ITFG1: variants seen among roughly 807,000 people sequenced by gnomAD.
ITFG1 encodes T-cell immunomodulatory protein.
In ITFG1, 34 loss-of-function variants were observed where a neutral mutation model predicts 81.8. That is an observed-to-expected ratio of 0.42 (90% CI 0.32 to 0.55). The LOEUF is 0.55. Ranked by LOEUF, ITFG1 falls within the 20% of genes least tolerant of loss-of-function variation. The pLI, the probability that ITFG1 is intolerant of heterozygous loss-of-function variation, is 0.17. For synonymous variants in ITFG1, 285 were observed against 270.6 expected, an observed-to-expected ratio of 1.05 and a Z score of -0.52; for missense variants, 672 against 755.4, an observed-to-expected ratio of 0.89 and a Z score of 1.29.
chr16:47,264,480 G>C (rs1394161927), intron 10 of ITFG1, among the ~76,000 whole-genome samples: 1 of 149,468 alleles, frequency 6.7e-6, no homozygotes, highest in Non-Finnish European at 1.5e-5. Context: ...CCATTATATG[G>C]CCAAGCCATC....
chr16:47,286,412 G>C (rs1019165544), intron 10 of ITFG1, among the ~76,000 whole-genome samples: 3 of 152,152 alleles, frequency 2.0e-5, no homozygotes, highest in African/African-American at 7.2e-5. Flanking sequence ...GGCCGAGGTG[G>C]GTGGATCACC....
chr16:47,170,839 G>T (rs1472436963), intron 14 of ITFG1, among the ~76,000 whole-genome samples: 2 of 140,328 alleles, frequency 1.4e-5, no homozygotes, highest in African/African-American at 5.4e-5. Flanking sequence ...GGGTTCAAGT[G>T]GTTCTCCTCC....
chr16:47,420,165 T>C (rs1245573769), intron 6 of ITFG1, among the ~76,000 whole-genome samples: 3 of 152,188 alleles, frequency 2.0e-5, no homozygotes, highest in Non-Finnish European at 4.4e-5. Flanking sequence ...CCTCTTGTCA[T>C]TGATTTCTAG....
At chr16:47,457,076 G>A (rs1041256127) in intron 2 of ITFG1, among the ~76,000 whole-genome samples, 5 of 152,068 alleles carry the variant, frequency 3.3e-5, no homozygotes, top group Non-Finnish European at 5.9e-5. Context: ...TTGGGAGGCC[G>A]AGGCAGGTGG....
At chr16:47,444,571 T>C (rs561599210) in intron 5 of ITFG1, among the ~76,000 whole-genome samples, 1 of 152,250 alleles carries the variant, frequency 6.6e-6, no homozygotes, top group African/African-American at 2.4e-5. Flanking sequence ...GTGATAGTAT[T>C]ATTACATTAA....
intron 6 of ITFG1, among the ~76,000 whole-genome samples, chr16:47,388,710 T>C (rs1214301878): frequency 6.6e-6 from 1 of 152,180 alleles, no homozygotes; most frequent in Admixed American, 6.5e-5. Context: ...ATTAATGAAA[T>C]CAACTATAAC....
chr16:47,280,813 G>A (rs541628996), intron 10 of ITFG1, among the ~76,000 whole-genome samples: 18 of 152,012 alleles, frequency 1.2e-4, no homozygotes, highest in Non-Finnish European at 2.2e-4. Flanking sequence ...GCCAATGACT[G>A]AATCAATCAT....
chr16:47,408,810 C>T (rs1017910459), intron 6 of ITFG1, among the ~76,000 whole-genome samples: 2 of 152,146 alleles, frequency 1.3e-5, no homozygotes, highest in African/African-American at 2.4e-5. Context: ...CAGGAGTTTG[C>T]AAGCCTTTTA....
chr16:47,453,880 T>G, intron 3 of ITFG1, 133 bp downstream of exon 3: 6 of 648,598 alleles, frequency 9.3e-6, no homozygotes, highest in Non-Finnish European at 1.6e-5. Context: ...AATCAGGAAA[T>G]AAACTTTGAA....
chr16:47,309,058 A>G (rs993872680), intron 10 of ITFG1, among the ~76,000 whole-genome samples: 1 of 151,866 alleles, frequency 6.6e-6, no homozygotes, highest in East Asian at 1.9e-4. Context: ...ATACATTATT[A>G]ACATAACTTC....
At chr16:47,260,448 G>T in intron 11 of ITFG1, 97 bp downstream of exon 11, 1 of 1,302,522 alleles carries the variant, frequency 7.7e-7, no homozygotes, top group South Asian at 1.4e-5. Flanking sequence ...GCTTTTTGTT[G>T]TGTTGTCCAC....
intron 10 of ITFG1, among the ~76,000 whole-genome samples, chr16:47,286,105 T>C (rs1462866800): frequency 6.6e-6 from 1 of 152,054 alleles, no homozygotes; most frequent in Non-Finnish European, 1.5e-5. Flanking sequence ...AGATCTGAGA[T>C]GGAAACAGGA....
chr16:47,317,485 G>C (rs1484965275), intron 8 of ITFG1: 1 of 152,144 alleles, frequency 6.6e-6, no homozygotes, highest in Non-Finnish European at 1.5e-5. Context: ...AAGCAAATTA[G>C]AACTCATTGT....
intron 6 of ITFG1, among the ~76,000 whole-genome samples, chr16:47,385,006 T>C (rs1968442551): frequency 6.6e-6 from 1 of 152,218 alleles, no homozygotes; most frequent in Non-Finnish European, 1.5e-5. Context: ...GAATACATAC[T>C]ATTGGAACAG....
chr16:47,328,035 G>T (rs1009025391), intron 8 of ITFG1, among the ~76,000 whole-genome samples: 1 of 152,070 alleles, frequency 6.6e-6, no homozygotes, highest in Non-Finnish European at 1.5e-5. Flanking sequence ...TGTTTACTGC[G>T]GCACTATTCA....
chr16:47,275,969 T>C (rs986429446), intron 10 of ITFG1, among the ~76,000 whole-genome samples: 1 of 152,104 alleles, frequency 6.6e-6, no homozygotes, highest in African/African-American at 2.4e-5. Flanking sequence ...AAATAAACTC[T>C]TCTGAATAAA....
intron 6 of ITFG1, among the ~76,000 whole-genome samples, chr16:47,388,278 A>T (rs1319520927): frequency 6.6e-6 from 1 of 152,212 alleles, no homozygotes; most frequent in African/African-American, 2.4e-5. Context: ...ACAAAGAAAA[A>T]TTTGAAGAAA....
intron 6 of ITFG1, among the ~76,000 whole-genome samples, chr16:47,403,145 G>GC (rs975341252): frequency 2.3e-4 from 35 of 151,684 alleles, no homozygotes; most frequent in Middle Eastern, 3.5e-3. Flanking sequence ...TATAGAATTT[G>GC]CCCCCTCCCT....
At chr16:47,310,147 C>A (rs1419556692) in intron 10 of ITFG1, among the ~76,000 whole-genome samples, 1 of 152,144 alleles carries the variant, frequency 6.6e-6, no homozygotes. Context: ...AATTTCAAAC[C>A]AACGTGCTTA....
Sources: allele counts gnomAD v4.1 joint callset (sites outside exome capture counted in the v4.1 genomes callset), GRCh38; gene constraint gnomAD v4.1.1; transcripts MANE v1.5; gene names NCBI Gene and HGNC (gene_info 2026-07-23, HGNC 2026-07-21).